The following ANK2 variants were observed in gnomAD, a reference collection of about 807,000 sequenced individuals.
The protein encoded by ANK2 is ankyrin-2.
Under a neutral mutation model 360.5 loss-of-function variants are expected in ANK2, and 83 were observed. The observed-to-expected ratio is 0.23, with a 90% confidence interval of 0.19 to 0.28. The LOEUF (loss-of-function observed/expected upper bound fraction) is 0.28, where lower values mean the gene tolerates loss of function less well. Ranked by LOEUF, ANK2 falls within the 10% of genes least tolerant of loss-of-function variation. ANK2 has a pLI of 1.00. For missense variants in ANK2, 4,201 were observed against 4,795.7 expected (o/e 0.88, Z 3.66); for synonymous variants, 1,740 against 1,759.5 (o/e 0.99, Z 0.28).
In ANK2 at chr4:112,894,696, T is replaced by G. The variant is rs370966400; in HGVS notation, c.-39-9759T>G. On this transcript the variant is annotated intron_variant, in intron 1 of 30. Coordinates refer to the ANK2 transcript ENST00000503271. ...TATTGGGAGCATGGTGTTATTTGTA[T>G]TGTCACTCCTAGAACTCACTGCTCC... is the stretch of plus-strand genomic sequence containing the variant. 4.6e-5 allele frequency among the ~76,000 whole-genome samples: 7 copies of G among 152,206 alleles called. No individual in the cohort carries two copies. In the East Asian group the frequency reaches 1.3e-3, roughly 29 times the overall value.
the ANK2 span, among the ~76,000 whole-genome samples, chr4:112,759,486 A>G: frequency 6.6e-6 from 1 of 151,988 alleles, no homozygotes; most frequent in Non-Finnish European, 1.5e-5. Context: ...TATTTTCTTT[A>G]CCTTCCTAGG....
intron 4 of ANK2, among the ~76,000 whole-genome samples, chr4:113,218,588 A>G (rs545810162): frequency 6.6e-6 from 1 of 152,318 alleles, no homozygotes; most frequent in East Asian, 1.9e-4. Context: ...AACAAAGCCA[A>G]GTCTACTAGC....
Position 113,232,273 on chromosome 4 carries a change from C to T in ANK2, c.483+14C>T, listed in dbSNP as rs1218046228. 6.5e-7 allele frequency: 1 copy of T among 1,531,942 alleles called. No homozygotes were observed. Among genetic ancestry groups the T allele is most frequent in the Non-Finnish European group, 9.0e-7 (1 of 1,106,008 alleles). The allele number at this position is 1,531,942 out of a possible 1,614,324, so 94.9% of individuals were successfully genotyped here. On this transcript the variant is annotated intron_variant, in intron 5 of 45. Transcript: ENST00000357077. The stretch of plus-strand genomic sequence containing the variant: ...ACTGCTACAGAGGTAAGACTGTCAG[C>T]CCTAAAGCCTTGAATTCTTTGATCT...
Position 113,372,418 on chromosome 4 carries a change from C to T in ANK2, c.11611-672C>T, listed in dbSNP as rs2096771935. The T allele has an allele frequency of 7.8e-6, 5 of 641,840 alleles. No individual in the cohort carries two copies. In the South Asian group the frequency reaches 8.0e-5, roughly 10 times the overall value. 39.8% of individuals were successfully genotyped at this position (641,840 alleles called of 1,614,324 possible). A position where few individuals can be genotyped will look rare whatever the true frequency, so the allele number is the denominator to read the frequency against. On this transcript the variant is annotated intron_variant, in intron 43 of 45. Coordinates refer to ENST00000357077, the MANE Select transcript of ANK2 (RefSeq NM_001148.6). ...TTGTTTTCACCTCTACCAACTTGTC[C>T]ATCAAAGCCTCCATGAATAAAAGTT...
chr4:112,868,762 T>C (rs2071655743), intron 1 of ANK2, among the ~76,000 whole-genome samples: 1 of 152,182 alleles, frequency 6.6e-6, no homozygotes, highest in South Asian at 2.1e-4. Flanking sequence ...TAATGTGATG[T>C]TTTGATATGT....
At chr4:113,352,998 T>G in intron 37 of ANK2, 47 bp from the exon 38 acceptor site, 2 of 1,595,928 alleles carry the variant, frequency 1.3e-6, no homozygotes, top group Non-Finnish European at 1.7e-6. Flanking sequence ...TGCCAATATC[T>G]TTTTTGATTT....
intron 45 of ANK2, among the ~76,000 whole-genome samples, chr4:113,377,212 CT>C (rs1432068403): frequency 6.6e-6 from 1 of 152,040 alleles, no homozygotes; most frequent in Non-Finnish European, 1.5e-5. Flanking sequence ...ATTATGTACC[CT>C]ACATAATTGT....
chr4:112,716,079 C>T, the ANK2 span, among the ~76,000 whole-genome samples: 1 of 152,142 alleles, frequency 6.6e-6, no homozygotes, highest in Non-Finnish European at 1.5e-5. Context: ...GACAGCACTA[C>T]AAGGAAGGAC....
intron 8 of ANK2, 53 bp from the exon 9 acceptor site, chr4:113,242,058 C>A (rs2153572807): frequency 7.0e-7 from 1 of 1,435,472 alleles, no homozygotes; most frequent in Non-Finnish European, 9.8e-7. Context: ...AAAGGCATCG[C>A]CATCATGCCC....
intron 2 of ANK2, among the ~76,000 whole-genome samples, chr4:113,043,203 A>T (rs2063395479): frequency 6.6e-6 from 1 of 152,108 alleles, no homozygotes; most frequent in Non-Finnish European, 1.5e-5. Context: ...ACTACTAAGA[A>T]CTGGGAGAAA....
intron 1 of ANK2, among the ~76,000 whole-genome samples, chr4:112,887,063 A>G (rs1414911230): frequency 1.3e-5 from 2 of 152,228 alleles, no homozygotes; most frequent in Middle Eastern, 3.4e-3. Context: ...AATATGAAAT[A>G]ATTTATTTCT....
the ANK2 span, among the ~76,000 whole-genome samples, chr4:112,760,433 C>T: frequency 1.3e-5 from 2 of 152,060 alleles, no homozygotes; most frequent in Non-Finnish European, 2.9e-5. Context: ...GTGATCCGCC[C>T]GCCTTGGCCT....
intron 23 of ANK2, among the ~76,000 whole-genome samples, chr4:113,308,773 G>A (rs916700563): frequency 1.4e-4 from 21 of 152,192 alleles, no homozygotes; most frequent in Non-Finnish European, 2.5e-4. Flanking sequence ...AGAGATGGCA[G>A]AAATATGGAT....
At chr4:113,211,494 T>A (rs1321975700) in intron 4 of ANK2, among the ~76,000 whole-genome samples, 2 of 152,226 alleles carry the variant, frequency 1.3e-5, no homozygotes, top group Non-Finnish European at 2.9e-5. Flanking sequence ...GCATTGTGCA[T>A]TGTGTTTTGA....
Position 113,311,413 on chromosome 4 carries a change from C to T in ANK2, c.2693+14C>T, listed in dbSNP as rs767629497. The T allele has an allele frequency of 3.7e-6, 6 of 1,613,742 alleles. No homozygotes were observed. Among genetic ancestry groups the T allele is most frequent in the Non-Finnish European group, 5.1e-6 (6 of 1,179,916 alleles). The stretch of plus-strand genomic sequence containing the variant: ...ACGATCTGACAGGTATCTCATAAAA[C>T]TTATAATTGATGTCAGCCAGAAGTA... On this transcript the variant is annotated intron_variant, in intron 24 of 45. Transcript: ENST00000357077.
At chr4:113,380,931 T>A (rs940291047) in intron 45 of ANK2, among the ~76,000 whole-genome samples, 3 of 152,196 alleles carry the variant, frequency 2.0e-5, no homozygotes, top group Non-Finnish European at 4.4e-5. Context: ...AATATTTTAG[T>A]TTTTAAAGAC....
intron 15 of ANK2, 86 bp downstream of exon 15, chr4:113,274,735 G>A: frequency 7.0e-7 from 1 of 1,419,188 alleles, no homozygotes; most frequent in Non-Finnish European, 9.8e-7. Flanking sequence ...GAATCAAGAG[G>A]GTAGATCTCC....
chr4:113,350,322 G>A (rs2095324264), intron 37 of ANK2, 73 bp downstream of exon 37: 1 of 1,324,840 alleles, frequency 7.5e-7, no homozygotes, highest in Non-Finnish European at 1.1e-6. Flanking sequence ...TAAAATGCAA[G>A]CTAGTTGCTA....
chr4:113,293,960 A>G (rs1211488478), intron 22 of ANK2, among the ~76,000 whole-genome samples: 2 of 152,216 alleles, frequency 1.3e-5, no homozygotes, highest in Non-Finnish European at 2.9e-5. Flanking sequence ...CACTGTGCTC[A>G]TGACTGGATC....
Sources: allele counts gnomAD v4.1 joint callset (sites outside exome capture counted in the v4.1 genomes callset), GRCh38; gene constraint gnomAD v4.1.1; transcripts MANE v1.5; gene names NCBI Gene and HGNC (gene_info 2026-07-23, HGNC 2026-07-21).